HAPLN1: variants seen among roughly 807,000 people sequenced by gnomAD.
HAPLN1 encodes the protein hyaluronan and proteoglycan link protein 1, also known as Cartilage link protein.
A neutral mutation model predicts 36.5 loss-of-function variants in HAPLN1; 13 were observed. The observed-to-expected ratio is 0.36, with a 90% confidence interval of 0.23 to 0.57. HAPLN1 has a LOEUF of 0.57. Ranked by LOEUF, HAPLN1 falls within the 20% of genes least tolerant of loss-of-function variation. HAPLN1 has a pLI of 0.83. For synonymous variants in HAPLN1, 202 were observed against 169.8 expected (o/e 1.19, Z -1.48); for missense variants, 407 against 439.7 (o/e 0.93, Z 0.66).
chr5:83,706,926 A>G (rs982753422), intron 1 of HAPLN1, among the ~76,000 whole-genome samples: 3 of 152,154 alleles, frequency 2.0e-5, no homozygotes, highest in African/African-American at 7.2e-5. Flanking sequence ...ATTCCTATAC[A>G]CCACCAGGAG....
intron 1 of HAPLN1, among the ~76,000 whole-genome samples, chr5:83,701,881 G>A (rs1385458086): frequency 6.6e-6 from 1 of 151,818 alleles, no homozygotes; most frequent in East Asian, 1.9e-4. Context: ...AGCCGAGATC[G>A]CTCCACTGCT....
intron 2 of HAPLN1, among the ~76,000 whole-genome samples, chr5:83,671,853 C>T (rs547797637): frequency 1.3e-5 from 2 of 152,302 alleles, no homozygotes; most frequent in East Asian, 1.9e-4. Context: ...ATGAAGTGGA[C>T]TATCAAGCCT....
chr5:83,644,343 C>T lies in HAPLN1; in HGVS notation c.775+20G>A, dbSNP rs201133569. On this transcript the variant is annotated intron_variant, in intron 4 of 4. Coordinates refer to ENST00000274341, the MANE Select transcript of HAPLN1 (RefSeq NM_001884.4). ...ATAGTCTGTGAGATAGGAAAGAAGGCAGTACAGTTATTATCTTACCATTGA... is the reference window on the plus strand; with the variant it reads ...ATAGTCTGTGAGATAGGAAAGAAGGTAGTACAGTTATTATCTTACCATTGA... The T allele has an allele frequency of 1.9e-4, 282 of 1,482,934 alleles. No homozygotes were observed. Among genetic ancestry groups the T allele is most frequent in the Admixed American group, 4.0e-4 (18 of 45,448 alleles). The allele number at this position is 1,482,934 out of a possible 1,614,324, so 91.9% of individuals were successfully genotyped here. A position where few individuals can be genotyped will look rare whatever the true frequency, so the allele number is the denominator to read the frequency against.
chr5:83,643,483 C>T (rs1367077444), intron 4 of HAPLN1, among the ~76,000 whole-genome samples: 1 of 152,098 alleles, frequency 6.6e-6, no homozygotes, highest in Non-Finnish European at 1.5e-5. Context: ...GGTGTGTGAC[C>T]TGTGCCACCA....
rs552522157 is a variant in HAPLN1, at chr5:83,652,897, T to C, written c.101-73A>G. ...TCAGACATTTTCATAAAATGAAATA[T>C]ATCACATATATAGGATATCTGACAA... is the stretch of plus-strand genomic sequence containing the variant. On this transcript the variant is annotated intron_variant, in intron 2 of 4. Transcript: ENST00000274341. The C allele has an allele frequency of 4.2e-5, 55 of 1,310,904 alleles. No homozygotes were observed. The African/African-American group carries it at 5.1e-4, about 12-fold the overall frequency. 81.2% of individuals were successfully genotyped at this position (1,310,904 alleles called of 1,614,324 possible).
rs767991764 is a variant in HAPLN1, at chr5:83,638,877, T to C, written c.*2619A>G. Reference sequence around the variant, plus strand: ...GCTTCTTTTTGTTTGGGTTTTCCAATGTAGATGTCTCAGTGAAATGTGCAG... The same window carrying C: ...GCTTCTTTTTGTTTGGGTTTTCCAACGTAGATGTCTCAGTGAAATGTGCAG... On this transcript the variant is annotated 3_prime_UTR_variant, in exon 5 of 5. Transcript: ENST00000274341. 6.6e-6 allele frequency: 1 copy of C among 152,086 alleles called. No homozygotes were observed. The highest frequency in any genetic ancestry group is 1.5e-5 in the Non-Finnish European group (1 of 67,930). 9.4% of individuals were successfully genotyped at this position (152,086 alleles called of 1,614,324 possible).
At chr5:83,661,508 G>A (rs529376129) in intron 2 of HAPLN1, among the ~76,000 whole-genome samples, 1 of 136,786 alleles carries the variant, frequency 7.3e-6, no homozygotes, top group East Asian at 2.3e-4. Flanking sequence ...GCAGTGGCGC[G>A]ATCTCAGCTC....
At chr5:83,653,769 C>T (rs911480969) in intron 2 of HAPLN1, among the ~76,000 whole-genome samples, 41 of 152,206 alleles carry the variant, frequency 2.7e-4, no homozygotes, top group African/African-American at 8.9e-4. Context: ...GCAGGTCTGC[C>T]GTTTTCTACA....
chr5:83,644,699 G>GC, intron 3 of HAPLN1, 34 bp from the exon 4 acceptor site: 1 of 1,376,826 alleles, frequency 7.3e-7, no homozygotes, highest in Non-Finnish European at 9.5e-7. Flanking sequence ...GTTGTTAGAA[G>GC]CCCCAAAACT....
At position 83,688,642 on chromosome 5, in the gene HAPLN1, C is replaced by CTTTTTTT. The variant is rs539790396; in HGVS notation, c.-26-15100_-26-15094dup. ...TATTTGCCAAATGCAGCTTTTGATT[C>CTTTTTTT]TTTTTTTTTTTTTTTTTTTTTTTTT... On this transcript the variant is annotated intron_variant, in intron 1 of 4. Transcript: ENST00000274341. 4.1e-4 allele frequency among the ~76,000 whole-genome samples: 33 copies of CTTTTTTT among 80,564 alleles called. 2 individuals carry two copies. Among genetic ancestry groups the CTTTTTTT allele is most frequent in the East Asian group, 1.5e-3 (3 of 2,010 alleles). The allele number at this position is 80,564 out of a possible 152,430, so 52.9% of individuals were successfully genotyped here.
At chr5:83,688,965 T>C (rs1751207957) in intron 1 of HAPLN1, among the ~76,000 whole-genome samples, 1 of 152,168 alleles carries the variant, frequency 6.6e-6, no homozygotes, top group African/African-American at 2.4e-5. Context: ...GGAACTTAAA[T>C]TCAATGCTCC....
intron 1 of HAPLN1, among the ~76,000 whole-genome samples, chr5:83,709,364 C>A (rs2112637007): frequency 6.6e-6 from 1 of 152,306 alleles, no homozygotes; most frequent in Non-Finnish European, 1.5e-5. Flanking sequence ...AAGCCTATGT[C>A]TGAAAAGCCT....
intron 1 of HAPLN1, among the ~76,000 whole-genome samples, chr5:83,716,109 A>T (rs1180822066): frequency 6.6e-6 from 1 of 152,238 alleles, no homozygotes; most frequent in Non-Finnish European, 1.5e-5. Context: ...CAGAGCGAAA[A>T]TGAGAAAAAA....
At chr5:83,652,861 T>C in intron 2 of HAPLN1, 37 bp from the exon 3 acceptor site, 2 of 1,480,952 alleles carry the variant, frequency 1.4e-6, no homozygotes, top group Non-Finnish European at 1.8e-6. Flanking sequence ...AAAATAACTA[T>C]TAATATACTT....
chr5:83,686,142 CAAAAAAAAAAAAA>C (rs535353958), intron 1 of HAPLN1: 2 of 81,642 alleles, frequency 2.4e-5, no homozygotes, highest in African/African-American at 4.5e-5. Context: ...AAAATGTAGC[CAAAAAAAAAAAAA>C]AAAAAAAAAG....
At chr5:83,676,542 G>A (rs1167853090) in intron 1 of HAPLN1, among the ~76,000 whole-genome samples, 1 of 152,168 alleles carries the variant, frequency 6.6e-6, no homozygotes, top group East Asian at 1.9e-4. Flanking sequence ...GGTCATTGAG[G>A]TCAAGGGCTG....
chr5:83,656,304 G>A (rs1424171666), intron 2 of HAPLN1, among the ~76,000 whole-genome samples: 1 of 136,838 alleles, frequency 7.3e-6, no homozygotes, highest in Admixed American at 7.9e-5. Flanking sequence ...CCCCAGCCTG[G>A]GCAACACAGA....
intron 4 of HAPLN1, among the ~76,000 whole-genome samples, chr5:83,643,541 G>A (rs542648905): frequency 5.3e-5 from 8 of 152,156 alleles, no homozygotes; most frequent in African/African-American, 1.4e-4. Flanking sequence ...TTAATGTTCC[G>A]CTGTCACCAT....
At chr5:83,711,115 A>G (rs932467725) in intron 1 of HAPLN1, among the ~76,000 whole-genome samples, 1 of 152,170 alleles carries the variant, frequency 6.6e-6, no homozygotes, top group Non-Finnish European at 1.5e-5. Flanking sequence ...AGATTTAAAA[A>G]AATATTATTC....
Sources: gnomAD v4.1 joint callset for allele counts (sites outside exome capture counted in the v4.1 genomes callset) on GRCh38, gnomAD v4.1.1 for gene constraint, MANE v1.5 for transcripts, NCBI Gene and HGNC (gene_info 2026-07-23, HGNC 2026-07-21) for gene names.